Variants in ZCCHC4 observed in about 807,000 individuals in gnomAD.
The protein encoded by ZCCHC4 is zinc finger CCHC-type containing 4, also known as rRNA N(6)-adenosine-methyltransferase ZCCHC4.
In ZCCHC4, 54 loss-of-function variants were observed where a neutral mutation model predicts 67.7. The ratio of observed to expected loss-of-function variants is 0.80; its 90% confidence interval spans 0.64 to 1.00. ZCCHC4 has a LOEUF of 1.00. ZCCHC4 is among the 50% of genes least tolerant of loss of function. The pLI is 0.00. For synonymous variants in ZCCHC4, 198 were observed against 213.5 expected (o/e 0.93, Z 0.63); for missense variants, 609 against 617.0 (o/e 0.99, Z 0.14).
chr4:25,348,930 G>A (rs1720152039), intron 6 of ZCCHC4, among the ~76,000 whole-genome samples: 1 of 152,182 alleles, frequency 6.6e-6, no homozygotes, highest in Admixed American at 6.5e-5. Flanking sequence ...TGGTTTCATG[G>A]ACCAGATGCG....
rs1489249836 is a variant in ZCCHC4, at chr4:25,345,628, C to G, written c.759+8C>G. 6 of 1,539,346 alleles carry G rather than the reference C, an allele frequency of 3.9e-6. No individual in the cohort carries two copies. Among genetic ancestry groups the G allele is most frequent in the Non-Finnish European group, 5.4e-6 (6 of 1,118,962 alleles). ...CATTTCTTTGATGGAAAGGTAAGAG[C>G]TGTGACCATTATCTCATTGTTCTCT... On this transcript the variant is annotated splice_region_variant and intron_variant, in intron 6 of 12. Transcript: ENST00000302874.
rs1721055874 is a variant in ZCCHC4, at chr4:25,369,178, G to A, written c.*14G>A. ...CTTGGCTCTTAAATGTCCAGTGACTGGAGAATAAGAAAGATTTATGGTCCA... is the reference window on the plus strand; with the variant it reads ...CTTGGCTCTTAAATGTCCAGTGACTAGAGAATAAGAAAGATTTATGGTCCA... On this transcript the variant is annotated 3_prime_UTR_variant, in exon 13 of 13. Transcript: ENST00000302874. 7 of 1,606,060 alleles carry A rather than the reference G, an allele frequency of 4.4e-6. No homozygotes were observed. Among genetic ancestry groups the A allele is most frequent in the Non-Finnish European group, 5.9e-6 (7 of 1,178,332 alleles).
At chr4:25,355,763 C>G (rs1442130862) in intron 8 of ZCCHC4, among the ~76,000 whole-genome samples, 2 of 152,040 alleles carry the variant, frequency 1.3e-5, no homozygotes, top group African/African-American at 4.8e-5. Flanking sequence ...AAACATAAAA[C>G]ATGTAGTGGG....
intron 4 of ZCCHC4, 52 bp from the exon 5 acceptor site, chr4:25,333,856 G>T: frequency 8.0e-7 from 1 of 1,243,182 alleles, no homozygotes; most frequent in Non-Finnish European, 1.1e-6. Context: ...TTTGTTTATT[G>T]TCTATGACAT....
In ZCCHC4 at chr4:25,370,268, T is replaced by C. The variant is rs1721096438; in HGVS notation, c.*1104T>C. On this transcript the variant is annotated 3_prime_UTR_variant, in exon 13 of 13. Coordinates refer to ENST00000302874, the MANE Select transcript of ZCCHC4 (RefSeq NM_024936.3). ...CCCTTAATATTTCCTGGCTGTATGA[T>C]CTTGGCCAGGTCACTCTCTAAAAGC... is the stretch of plus-strand genomic sequence containing the variant. 6.6e-6 allele frequency: 1 copy of C among 152,184 alleles called. No individual in the cohort carries two copies. The highest frequency in any genetic ancestry group is 6.5e-5 in the Admixed American group (1 of 15,282). The allele number at this position is 152,184 out of a possible 1,614,324, so 9.4% of individuals were successfully genotyped here.
At chr4:25,352,713 C>G (rs1307793637) in intron 8 of ZCCHC4, among the ~76,000 whole-genome samples, 1 of 152,226 alleles carries the variant, frequency 6.6e-6, no homozygotes, top group East Asian at 1.9e-4. Flanking sequence ...TTGCACCCAG[C>G]CTGCTTCCTC....
chr4:25,316,773 CTT>C, intron 3 of ZCCHC4, among the ~76,000 whole-genome samples: 1 of 152,264 alleles, frequency 6.6e-6, no homozygotes, highest in South Asian at 2.1e-4. Context: ...TGTCTTTTGA[CTT>C]TCTTGATGTC....
At chr4:25,366,031 A>AC (rs1720928013) in intron 12 of ZCCHC4, 1 of 980,150 alleles carries the variant, frequency 1.0e-6, no homozygotes, top group South Asian at 4.7e-5. Context: ...AGATTGGGCT[A>AC]CCATGTGACT....
intron 8 of ZCCHC4, chr4:25,352,407 A>G: frequency 3.1e-6 from 3 of 983,100 alleles, no homozygotes; most frequent in Non-Finnish European, 3.6e-6. Context: ...TCAGGCAGGT[A>G]CTGCTTCTTT....
intron 3 of ZCCHC4, among the ~76,000 whole-genome samples, chr4:25,316,919 T>C (rs1048969873): frequency 2.6e-5 from 4 of 152,228 alleles, no homozygotes; most frequent in Admixed American, 1.3e-4. Flanking sequence ...TGATGTTTCT[T>C]TTTTGAAATA....
At chr4:25,366,034 A>G (rs940526518) in intron 12 of ZCCHC4, 2 of 934,838 alleles carry the variant, frequency 2.1e-6, no homozygotes, top group Non-Finnish European at 2.5e-6. Flanking sequence ...TTGGGCTACC[A>G]TGTGACTATG....
chr4:25,351,586 T>C lies in ZCCHC4; in HGVS notation c.911-3T>C, dbSNP rs370704925. 1.3e-6 allele frequency: 2 copies of C among 1,594,488 alleles called. No homozygotes were observed. The highest frequency in any genetic ancestry group is 2.7e-5 in the African/African-American group (2 of 74,330). On this transcript the variant is annotated splice_region_variant and splice_polypyrimidine_tract_variant and intron_variant, in intron 7 of 12. Coordinates refer to ENST00000302874, the MANE Select transcript of ZCCHC4 (RefSeq NM_024936.3). ...TTATTTTTTCCTTTTTGTGATCCATTAGATGACAGTCACAAAGAACTACCC... is the reference window on the plus strand; with the variant it reads ...TTATTTTTTCCTTTTTGTGATCCATCAGATGACAGTCACAAAGAACTACCC...
chr4:25,369,039 A>C lies in ZCCHC4; in HGVS notation c.1417A>C (p.Lys473Gln), dbSNP rs1381229508. 2 of 1,610,482 alleles carry C rather than the reference A, an allele frequency of 1.2e-6. No homozygotes were observed. Among genetic ancestry groups the C allele is most frequent in the African/African-American group, 2.7e-5 (2 of 74,600 alleles). Reference protein sequence around the residue: ...TSKRANKAVRKQKQRKSNKMK... With the variant: ...TSKRANKAVRQQKQRKSNKMK... ...CACCTTGTTTTCCAGAGCTGTCAGA[A>C]AGCAGAAGCAAAGAAAAAGTAATAA... The change falls in exon 13 of 13, where the codon AAG becomes CAG. Residue 473 changes from lysine (K) to glutamine (Q), a missense_variant. Coordinates refer to ENST00000302874, the MANE Select transcript of ZCCHC4 (RefSeq NM_024936.3).
intron 3 of ZCCHC4, among the ~76,000 whole-genome samples, chr4:25,317,665 A>T (rs1577721337): frequency 7.3e-6 from 1 of 136,748 alleles, no homozygotes; most frequent in East Asian, 2.2e-4. Flanking sequence ...AGATCGTGCG[A>T]CTACACTCCA....
chr4:25,365,765 A>G (rs181786121), intron 12 of ZCCHC4: 12 of 985,488 alleles, frequency 1.2e-5, no homozygotes, highest in Non-Finnish European at 1.4e-5. Context: ...GGGGATACCT[A>G]TGACAATAGC....
intron 5 of ZCCHC4, among the ~76,000 whole-genome samples, chr4:25,336,163 C>A (rs1352686476): frequency 6.6e-6 from 1 of 152,164 alleles, no homozygotes; most frequent in East Asian, 1.9e-4. Flanking sequence ...GTTCGCTTCC[C>A]CTCACAAGCA....
intron 3 of ZCCHC4, among the ~76,000 whole-genome samples, chr4:25,332,742 T>G (rs1719250118): frequency 6.6e-6 from 1 of 152,232 alleles, no homozygotes; most frequent in African/African-American, 2.4e-5. Context: ...TAATTTTTCT[T>G]GCTAAGTATG....
At chr4:25,327,605 C>CA (rs1031279223) in intron 3 of ZCCHC4, among the ~76,000 whole-genome samples, 32 of 152,112 alleles carry the variant, frequency 2.1e-4, no homozygotes, top group African/African-American at 7.7e-4. Flanking sequence ...TCAGCCTCCC[C>CA]AGTAGCTGGG....
At chr4:25,365,995 AATTATATGAC>A (rs775206492) in intron 12 of ZCCHC4, 1 of 836,384 alleles carries the variant, frequency 1.2e-6, no homozygotes, top group Non-Finnish European at 1.4e-6. Flanking sequence ...CATTATATGA[AATTATATGAC>A]ATTATATGAA....
Sources: gnomAD v4.1 joint callset for allele counts (sites outside exome capture counted in the v4.1 genomes callset) on GRCh38, gnomAD v4.1.1 for gene constraint, MANE v1.5 for transcripts, NCBI Gene and HGNC (gene_info 2026-07-23, HGNC 2026-07-21) for gene names.